Variants in ST8SIA6 observed in about 807,000 individuals in gnomAD.
ST8SIA6 encodes the protein alpha-2,8-sialyltransferase 8F.
ST8SIA6 carries 39 observed loss-of-function variants against 33.6 expected under a neutral mutation model. The observed-to-expected ratio is 1.16, with a 90% CI of 0.90 to 1.52. ST8SIA6 has a LOEUF of 1.52. ST8SIA6 is among the 40% of genes most tolerant of loss of function. ST8SIA6 has a pLI of 0.00. For synonymous variants in ST8SIA6, 172 were observed against 167.2 expected (o/e 1.03, Z -0.22); for missense variants, 441 against 443.8 (o/e 0.99, Z 0.06).
At chr10:17,417,903 A>G (rs1237858239) in intron 2 of ST8SIA6, among the ~76,000 whole-genome samples, 2 of 152,214 alleles carry the variant, frequency 1.3e-5, no homozygotes, top group Admixed American at 1.3e-4. Flanking sequence ...ATAATAAAGT[A>G]CAGAGGTGTA....
intron 4 of ST8SIA6, among the ~76,000 whole-genome samples, chr10:17,333,717 A>AAATATATTT (rs1848406704): frequency 3.0e-5 from 1 of 33,754 alleles, no homozygotes; most frequent in South Asian, 1.9e-3. Context: ...ATATATATAT[A>AAATATATTT]TTTTTTTTTT....
At chr10:17,382,051 T>A (rs567621351) in intron 3 of ST8SIA6, among the ~76,000 whole-genome samples, 1 of 152,174 alleles carries the variant, frequency 6.6e-6, no homozygotes, top group Non-Finnish European at 1.5e-5. Flanking sequence ...AATTTTGCAA[T>A]GGTGGTTTCA....
chr10:17,426,840 G>A (rs112337303), intron 2 of ST8SIA6, among the ~76,000 whole-genome samples: 4,722 of 152,280 alleles, frequency 0.031, 77 homozygotes, highest in South Asian at 0.055. Flanking sequence ...AGTGGCTCAC[G>A]CCTCTAATCC....
At chr10:17,323,229 G>GCGCACGCACACACACA (rs112083592) in intron 6 of ST8SIA6, 72 bp from the exon 7 acceptor site, 18,069 of 792,912 alleles carry the variant, frequency 0.023, 777 homozygotes, top group Middle Eastern at 0.036. Flanking sequence ...ACATATGCGC[G>GCGCACGCACACACACA]CACACACACA....
chr10:17,380,403 ATT>A (rs1347813687), intron 3 of ST8SIA6, among the ~76,000 whole-genome samples: 1 of 152,164 alleles, frequency 6.6e-6, no homozygotes. Context: ...TTGTGTGATC[ATT>A]GTTAGTTTTG....
At chr10:17,402,733 T>C (rs575466405) in intron 2 of ST8SIA6, among the ~76,000 whole-genome samples, 3 of 151,946 alleles carry the variant, frequency 2.0e-5, no homozygotes, top group South Asian at 4.2e-4. Context: ...ATGAGAACAC[T>C]TGGACACAGG....
At chr10:17,445,297 A>C (rs1852665379) in intron 2 of ST8SIA6, among the ~76,000 whole-genome samples, 1 of 152,222 alleles carries the variant, frequency 6.6e-6, no homozygotes, top group African/African-American at 2.4e-5. Flanking sequence ...CAGACTATTT[A>C]CATTCTTACG....
intron 3 of ST8SIA6, among the ~76,000 whole-genome samples, chr10:17,389,351 G>A (rs114521405): frequency 0.017 from 2,642 of 152,280 alleles, 78 homozygotes; most frequent in African/African-American, 0.06. Flanking sequence ...ACCACTGGGC[G>A]TTTACATTAT....
At position 17,359,423 on chromosome 10, in the gene ST8SIA6, C is replaced by A. The variant is rs1849309344; in HGVS notation, c.377+91G>T. On this transcript the variant is annotated intron_variant, in intron 4 of 7. Coordinates refer to ENST00000377602, the MANE Select transcript of ST8SIA6 (RefSeq NM_001004470.3). The stretch of plus-strand genomic sequence containing the variant: ...TCATTGCCAGCTGGGGTTGGTTCTA[C>A]TTCTCTTTTTAATAACATATTGCCT... 5 of 1,055,348 alleles carry A rather than the reference C, an allele frequency of 4.7e-6. No individual in the cohort carries two copies. In the African/African-American group the frequency reaches 6.5e-5, roughly 14 times the overall value. The allele number at this position is 1,055,348 out of a possible 1,614,324, so 65.4% of individuals were successfully genotyped here.
At chr10:17,417,589 C>T (rs889920866) in intron 2 of ST8SIA6, among the ~76,000 whole-genome samples, 1 of 151,878 alleles carries the variant, frequency 6.6e-6, no homozygotes, top group Non-Finnish European at 1.5e-5. Context: ...TTTTGTCTGG[C>T]ATGCTCCCTG....
chr10:17,424,228 T>C (rs1851865349), intron 2 of ST8SIA6, among the ~76,000 whole-genome samples: 1 of 152,052 alleles, frequency 6.6e-6, no homozygotes, highest in East Asian at 1.9e-4. Context: ...TTCAGCTTCC[T>C]GAGTAGCTGG....
chr10:17,329,866 C>A (rs545733977), intron 5 of ST8SIA6, among the ~76,000 whole-genome samples: 1 of 152,254 alleles, frequency 6.6e-6, no homozygotes, highest in Admixed American at 6.5e-5. Flanking sequence ...GGTTGAAAAT[C>A]AACTTTTATT....
At chr10:17,426,250 T>A (rs1202218998) in intron 2 of ST8SIA6, among the ~76,000 whole-genome samples, 4 of 152,136 alleles carry the variant, frequency 2.6e-5, no homozygotes, top group Non-Finnish European at 5.9e-5. Flanking sequence ...TCCATCTCCT[T>A]ATCTAGTGCT....
rs540785373 is a variant in ST8SIA6, at chr10:17,316,043, ATATT to A, written c.*4831_*4834del. Among the ~76,000 whole-genome samples, 97 of 152,114 alleles carry A rather than the reference ATATT, an allele frequency of 6.4e-4. No individual in the cohort carries two copies. Among genetic ancestry groups the A allele is most frequent in the African/African-American group, 2.2e-3 (93 of 41,538 alleles). On this transcript the variant is annotated 3_prime_UTR_variant, in exon 8 of 8. Transcript: ENST00000377602. ...TACTTACAATTTTGAGTCAGCTTCT[ATATT>A]TATTTATGTAGTAGTAAGAATATCA...
chr10:17,410,201 T>C (rs1429820591), intron 2 of ST8SIA6: 1 of 152,130 alleles, frequency 6.6e-6, no homozygotes, highest in Non-Finnish European at 1.5e-5. Context: ...GTGCAAAAAA[T>C]CTTTCAGAAA....
intron 4 of ST8SIA6, among the ~76,000 whole-genome samples, chr10:17,337,560 G>A (rs183636990): frequency 1.4e-3 from 210 of 152,300 alleles, no homozygotes; most frequent in African/African-American, 4.6e-3. Flanking sequence ...TTTTGTGTGC[G>A]GTGGCGGAGT....
chr10:17,329,016 C>T (rs549159624), intron 5 of ST8SIA6, among the ~76,000 whole-genome samples: 4 of 152,188 alleles, frequency 2.6e-5, no homozygotes, highest in South Asian at 2.1e-4. Flanking sequence ...AGCCCAGGGC[C>T]GATGTGGTTC....
intron 4 of ST8SIA6, among the ~76,000 whole-genome samples, 198 bp downstream of exon 4, chr10:17,359,316 G>A (rs1041765835): frequency 3.3e-5 from 5 of 152,104 alleles, no homozygotes; most frequent in Non-Finnish European, 5.9e-5. Flanking sequence ...AATTCAAACA[G>A]TAACATAATG....
At chr10:17,431,316 T>C (rs1314673971) in intron 2 of ST8SIA6, among the ~76,000 whole-genome samples, 1 of 152,050 alleles carries the variant, frequency 6.6e-6, no homozygotes, top group Non-Finnish European at 1.5e-5. Context: ...TTGAACCACA[T>C]TTGTAACATT....
Sources: allele counts gnomAD v4.1 joint callset (sites outside exome capture counted in the v4.1 genomes callset), GRCh38; gene constraint gnomAD v4.1.1; transcripts MANE v1.5; gene names NCBI Gene and HGNC (gene_info 2026-07-23, HGNC 2026-07-21).